Variants in USH2A observed in about 807,000 individuals in gnomAD.
USH2A encodes the protein usherin.
In USH2A, 443 loss-of-function variants were observed where a neutral mutation model predicts 538.9. The ratio of observed to expected loss-of-function variants is 0.82; its 90% CI spans 0.76 to 0.89. USH2A has a LOEUF of 0.89. USH2A is among the 40% of genes least tolerant of loss of function. USH2A has a pLI of 0.00. For missense variants in USH2A, 6,633 were observed against 6,324.8 expected (o/e 1.05, Z -1.65); for synonymous variants, 2,413 against 2,273.5 (o/e 1.06, Z -1.75).
In USH2A at chr1:216,309,553, TTG is replaced by T. The variant is rs547679287; in HGVS notation, c.1644+12328_1644+12329del. On this transcript the variant is annotated intron_variant, in intron 9 of 71. Coordinates refer to ENST00000307340, the MANE Select transcript of USH2A (RefSeq NM_206933.4). ...TTTACTGCCTTATTTTGAAATGAGG[TTG>T]TTGTTTTTATTCCTTCCTAATACGT... Among the ~76,000 whole-genome samples the T allele has an allele frequency of 2.4e-4, 36 of 152,256 alleles. No individual in the cohort carries two copies. The South Asian group carries it at 7.2e-3, about 31-fold the overall frequency.
chr1:215,797,710 A>G (rs1332526451), intron 50 of USH2A, among the ~76,000 whole-genome samples: 1 of 152,186 alleles, frequency 6.6e-6, no homozygotes, highest in African/African-American at 2.4e-5. Context: ...CTCAGAAAAA[A>G]GATATTTCTT....
At chr1:215,875,861 A>G (rs1420824813) in intron 43 of USH2A, among the ~76,000 whole-genome samples, 2 of 147,086 alleles carry the variant, frequency 1.4e-5, no homozygotes, top group African/African-American at 5.0e-5. Context: ...CAATTAATAT[A>G]TATATTAATT....
chr1:215,684,217 T>C (rs1658337096), intron 61 of USH2A, among the ~76,000 whole-genome samples: 1 of 152,138 alleles, frequency 6.6e-6, no homozygotes, highest in African/African-American at 2.4e-5. Context: ...TGCTGGCAAT[T>C]TGAACTATAT....
At chr1:215,940,754 T>TA (rs1666612123) in intron 37 of USH2A, among the ~76,000 whole-genome samples, 1 of 152,172 alleles carries the variant, frequency 6.6e-6, no homozygotes, top group Non-Finnish European at 1.5e-5. Flanking sequence ...ATTACTGTAA[T>TA]AGTGATTTTA....
intron 67 of USH2A, among the ~76,000 whole-genome samples, chr1:215,644,311 A>G (rs958209915): frequency 6.6e-6 from 1 of 152,158 alleles, no homozygotes; most frequent in African/African-American, 2.4e-5. Flanking sequence ...TGAGAAATTC[A>G]GAGGGAGATG....
intron 41 of USH2A, among the ~76,000 whole-genome samples, chr1:215,882,165 C>T (rs556480060): frequency 6.6e-6 from 1 of 152,256 alleles, no homozygotes; most frequent in Admixed American, 6.5e-5. Flanking sequence ...TGTCTCAAAG[C>T]GGTGTGGCTT....
chr1:215,982,597 T>C (rs891768379), intron 35 of USH2A, among the ~76,000 whole-genome samples: 6 of 152,212 alleles, frequency 3.9e-5, no homozygotes, highest in Non-Finnish European at 5.9e-5. Context: ...GAAACAAGTA[T>C]TTACTAAATA....
At chr1:216,181,349 T>C (rs776678529) in intron 20 of USH2A, among the ~76,000 whole-genome samples, 3 of 152,104 alleles carry the variant, frequency 2.0e-5, no homozygotes, top group Admixed American at 6.6e-5. Context: ...CACGAATGGG[T>C]ACCAGACATC....
chr1:216,229,024 A>C (rs947648224), intron 14 of USH2A, among the ~76,000 whole-genome samples: 1 of 152,022 alleles, frequency 6.6e-6, no homozygotes, highest in Non-Finnish European at 1.5e-5. Context: ...ATACAAAAAA[A>C]TTAGCCAGGC....
At chr1:215,696,460 T>C (rs1368121667) in intron 61 of USH2A, among the ~76,000 whole-genome samples, 2 of 152,226 alleles carry the variant, frequency 1.3e-5, no homozygotes, top group Admixed American at 1.3e-4. Context: ...AGGGGCTGCA[T>C]GGCACTTCTC....
At chr1:216,096,994 A>G in intron 22 of USH2A, 89 bp downstream of exon 22, 1 of 1,303,952 alleles carries the variant, frequency 7.7e-7, no homozygotes, top group Non-Finnish European at 1.1e-6. Context: ...GTTTGAATGA[A>G]GATTCAGTGT....
At chr1:215,643,339 G>A (rs988967730) in intron 67 of USH2A, among the ~76,000 whole-genome samples, 27 of 152,024 alleles carry the variant, frequency 1.8e-4, no homozygotes, top group Admixed American at 7.2e-4. Flanking sequence ...GCATGTTTTC[G>A]TGCTCCCAGT....
chr1:216,006,976 T>C (rs1231782833), intron 32 of USH2A, among the ~76,000 whole-genome samples: 2 of 152,166 alleles, frequency 1.3e-5, no homozygotes, highest in South Asian at 4.1e-4. Context: ...TTCCCACATG[T>C]TGTGGGAGGG....
At position 215,984,144 on chromosome 1, in the gene USH2A, G is replaced by A. The variant is rs113996841; in HGVS notation, c.6805+8876C>T. Among the ~76,000 whole-genome samples the A allele has an allele frequency of 1.0e-2, 1,521 of 152,288 alleles. 22 individuals carry two copies. Among genetic ancestry groups the A allele is most frequent in the African/African-American group, 0.035 (1,453 of 41,562 alleles). On this transcript the variant is annotated intron_variant, in intron 35 of 71. Transcript: ENST00000307340. Reference sequence around the variant, plus strand: ...TGTGAGGAAGGTTCAGCCTTACAGGGCACGGGGCAGAGTTGAAAAAGAGTG... The same window carrying A: ...TGTGAGGAAGGTTCAGCCTTACAGGACACGGGGCAGAGTTGAAAAAGAGTG...
chr1:215,658,732 C>T (rs142669811), intron 64 of USH2A, among the ~76,000 whole-genome samples: 1 of 152,238 alleles, frequency 6.6e-6, no homozygotes, highest in South Asian at 2.1e-4. Flanking sequence ...ACTTATCATG[C>T]TTTCAGCAAT....
intron 32 of USH2A, among the ~76,000 whole-genome samples, chr1:216,015,423 A>G (rs1558213109): frequency 6.6e-6 from 1 of 152,216 alleles, no homozygotes; most frequent in South Asian, 2.1e-4. Context: ...TAATTAATAA[A>G]AACAGGGGCT....
chr1:216,339,526 T>C (rs932796234), intron 4 of USH2A, among the ~76,000 whole-genome samples: 1 of 151,742 alleles, frequency 6.6e-6, no homozygotes, highest in South Asian at 2.1e-4. Context: ...AAACATACTT[T>C]GAAATTTCAA....
intron 13 of USH2A, among the ~76,000 whole-genome samples, chr1:216,232,407 G>C (rs2035717080): frequency 6.6e-6 from 1 of 152,008 alleles, no homozygotes; most frequent in African/African-American, 2.4e-5. Context: ...CAAAAAACTT[G>C]ACCTCCTCTA....
At chr1:215,979,956 G>A (rs944496984) in intron 35 of USH2A, among the ~76,000 whole-genome samples, 1 of 152,122 alleles carries the variant, frequency 6.6e-6, no homozygotes, top group African/African-American at 2.4e-5. Flanking sequence ...TTATATCAGA[G>A]TTAAAATCTT....
Sources: gnomAD v4.1 joint callset for allele counts (sites outside exome capture counted in the v4.1 genomes callset) on GRCh38, gnomAD v4.1.1 for gene constraint, MANE v1.5 for transcripts, NCBI Gene and HGNC (gene_info 2026-07-23, HGNC 2026-07-21) for gene names.